Variants in FUCA2 observed in about 807,000 individuals in gnomAD.
The protein encoded by FUCA2 is plasma alpha-L-fucosidase.
FUCA2 carries 41 observed loss-of-function variants against 52.6 expected under a neutral mutation model. The observed-to-expected ratio is 0.78, with a 90% CI of 0.61 to 1.01. FUCA2 has a LOEUF of 1.01. Ranked by LOEUF, FUCA2 falls within the 50% of genes least tolerant of loss-of-function variation. FUCA2 has a pLI of 0.00. For missense variants in FUCA2, 507 were observed against 569.5 expected, an observed-to-expected ratio of 0.89 and a Z score of 1.12; for synonymous variants, 211 against 217.3, an observed-to-expected ratio of 0.97 and a Z score of 0.26.
At position 143,502,672 on chromosome 6, in the gene FUCA2, C is replaced by T; in HGVS notation, c.753-107G>A. The T allele has an allele frequency of 1.1e-6, 1 of 946,812 alleles. No homozygotes were observed. The highest frequency in any genetic ancestry group is 2.6e-5 in the East Asian group (1 of 38,734). 58.7% of individuals were successfully genotyped at this position (946,812 alleles called of 1,614,324 possible). On this transcript the variant is annotated intron_variant, in intron 3 of 6. Transcript: ENST00000002165. The surrounding 1 kb of genome is among the most constrained non-coding windows in gnomAD (Gnocchi z 4.1). ...TTGAAATACAATTCTGAAAAGGGAC[C>T]ATGGCATAGTACAGTGGAAAGCCCA...
Position 143,502,052 on chromosome 6 carries a change from A to G in FUCA2, c.1034T>C (p.Ile345Thr). 6.2e-7 allele frequency: 1 copy of G among 1,613,912 alleles called. No homozygotes were observed. Among genetic ancestry groups the G allele is most frequent in the African/African-American group, 1.3e-5 (1 of 74,982 alleles). Reference sequence around the variant, plus strand: ...CAGTCGCTCCTCAAAAACTACAGAAATGGTGCCATCTAGTGTGGGCCCAAT... The same window carrying G: ...CAGTCGCTCCTCAAAAACTACAGAAGTGGTGCCATCTAGTGTGGGCCCAAT... Reference protein sequence around the residue: ...MNIGPTLDGTISVVFEERLRQ... With the variant: ...MNIGPTLDGTTSVVFEERLRQ... The change falls in exon 5 of 7, where the codon ATT becomes ACT. Residue 345 changes from isoleucine (I) to threonine (T), a missense_variant. By Grantham distance (89) the Ile-to-Thr change is moderately conservative. Transcript: ENST00000002165. The surrounding 1 kb of genome is among the most constrained non-coding windows in gnomAD (Gnocchi z 4.1).
At position 143,511,577 on chromosome 6, in the gene FUCA2, G is replaced by A. The variant is rs1449130556; in HGVS notation, c.58C>T (p.Leu20=). The A allele has an allele frequency of 1.3e-6, 2 of 1,559,658 alleles. No homozygotes were observed. Among genetic ancestry groups the A allele is most frequent in the Non-Finnish European group, 1.7e-6 (2 of 1,152,590 alleles). ...GCAGGGCACGGCGGCGGCGGCAGCAGCAGCAACAGCAACAGCAGCAACGGG... is the reference window on the plus strand; with the variant it reads ...GCAGGGCACGGCGGCGGCGGCAGCAACAGCAACAGCAACAGCAGCAACGGG... ...AFPLLLLLLL[L]LPPPPCPAHS... Residue 20 remains leucine (L), a synonymous_variant, in exon 1 of 7, where the codon CTG becomes TTG. Coordinates refer to ENST00000002165, the MANE Select transcript of FUCA2 (RefSeq NM_032020.5). The surrounding 1 kb of genome is among the most constrained non-coding windows in gnomAD (Gnocchi z 6.3).
rs76709808 is a variant in FUCA2 at position 143,510,786 on chromosome 6, A to G, written c.224+625T>C. Among the ~76,000 whole-genome samples the G allele has an allele frequency of 0.039, 6,008 of 152,296 alleles. 390 individuals are homozygous for G. The highest frequency in any genetic ancestry group is 0.14 in the African/African-American group (5,609 of 41,542). On this transcript the variant is annotated intron_variant, in intron 1 of 6. Coordinates refer to ENST00000002165, the MANE Select transcript of FUCA2 (RefSeq NM_032020.5). This position sits in a 1 kb window ranked among gnomAD's most constrained non-coding sequence, Gnocchi z 4.4. ...AAATTACATGCACATTTTCACATAG[A>G]TCTCAAGGTAAAATCTAACGCACAG...
At position 143,503,713 on chromosome 6, in the gene FUCA2, T is replaced by A. The variant is rs1254152810; in HGVS notation, c.752+200A>T. On this transcript the variant is annotated intron_variant, in intron 3 of 6. Transcript: ENST00000002165. This position sits in a 1 kb window ranked among gnomAD's most constrained non-coding sequence, Gnocchi z 4.8. Reference sequence around the variant, plus strand: ...TGATCTCAAAATCAGACCATTGAGTTGGATTTTACTCCTGATTTATTTACC... The same window carrying A: ...TGATCTCAAAATCAGACCATTGAGTAGGATTTTACTCCTGATTTATTTACC... The A allele has an allele frequency of 8.0e-6, 4 of 502,494 alleles. No individual in the cohort carries two copies. 31.1% of individuals were successfully genotyped at this position (502,494 alleles called of 1,614,324 possible).
In FUCA2 at chr6:143,503,880, A is replaced by T. The variant is rs774654091; in HGVS notation, c.752+33T>A. On this transcript the variant is annotated intron_variant, in intron 3 of 6. Transcript: ENST00000002165. This position sits in a 1 kb window ranked among gnomAD's most constrained non-coding sequence, Gnocchi z 4.8. ...TGTTAGAAATATATTAGGAATATGG[A>T]GGGTAACTGCAGCAATCTCATAGCA... The T allele has an allele frequency of 2.4e-5, 35 of 1,467,198 alleles. No homozygotes were observed. In the South Asian group the frequency reaches 3.8e-4, roughly 16 times the overall value. 90.9% of individuals were successfully genotyped at this position (1,467,198 alleles called of 1,614,324 possible).
intron 2 of FUCA2, chr6:143,505,092 A>G (rs1387348092): frequency 6.6e-6 from 1 of 152,196 alleles, no homozygotes; most frequent in African/African-American, 2.4e-5. Flanking sequence ...TGTTCCATAT[A>G]AAAATGTTAG....
chr6:143,496,187 ACT>A (rs1337161716), intron 6 of FUCA2: 1 of 209,192 alleles, frequency 4.8e-6, no homozygotes, highest in Non-Finnish European at 9.6e-6. Context: ...CCAAGTATCT[ACT>A]CAGCGTTCCT....
At chr6:143,506,176 T>G (rs910638396) in intron 2 of FUCA2, 1 of 144,442 alleles carries the variant, frequency 6.9e-6, no homozygotes, top group East Asian at 2.1e-4. Context: ...GAGAAAACAA[T>G]AAGGCAAAGT....
At position 143,502,136 on chromosome 6, in the gene FUCA2, A is replaced by G. The variant is rs772756269; in HGVS notation, c.964-14T>C. ...CTCTACAAGTTGCTAAAAAATTAAG[A>G]ATAATGTTTTTAGATAAATAAAATA... On this transcript the variant is annotated splice_polypyrimidine_tract_variant and intron_variant, in intron 4 of 6. Coordinates refer to ENST00000002165, the MANE Select transcript of FUCA2 (RefSeq NM_032020.5). The surrounding 1 kb of genome is among the most constrained non-coding windows in gnomAD (Gnocchi z 4.1). The G allele has an allele frequency of 2.6e-6, 4 of 1,566,728 alleles. No homozygotes were observed. In the South Asian group the frequency reaches 4.7e-5, roughly 19 times the overall value.
rs1354578538 is a variant in FUCA2, at chr6:143,510,846, T to A, written c.224+565A>T. ...TAGCACCTTTCATACGGCAGTATGA[T>A]AACTGGGTTGTGTTAAGAGTACCAT... On this transcript the variant is annotated intron_variant, in intron 1 of 6. Coordinates refer to ENST00000002165, the MANE Select transcript of FUCA2 (RefSeq NM_032020.5). This position sits in a 1 kb window ranked among gnomAD's most constrained non-coding sequence, Gnocchi z 4.4. Among the ~76,000 whole-genome samples, 1 of 152,062 alleles carries A rather than the reference T, an allele frequency of 6.6e-6. No homozygotes were observed. Among genetic ancestry groups the A allele is most frequent in the Admixed American group, 6.6e-5 (1 of 15,214 alleles).
chr6:143,495,686 C>T lies in FUCA2; in HGVS notation c.*21G>A, dbSNP rs1780447829. ...TCCTAGCCTTAGACATAACTTGCAG[C>T]ATCAGCCACTCTGCTGCACTTTAGA... is the stretch of plus-strand genomic sequence containing the variant. On this transcript the variant is annotated 3_prime_UTR_variant, in exon 7 of 7. Transcript: ENST00000002165. The surrounding 1 kb of genome is among the most constrained non-coding windows in gnomAD (Gnocchi z 5.2). 6 of 1,604,906 alleles carry T rather than the reference C, an allele frequency of 3.7e-6. No homozygotes were observed. Among genetic ancestry groups the T allele is most frequent in the Non-Finnish European group, 5.1e-6 (6 of 1,173,092 alleles).
In FUCA2 at chr6:143,499,202, AT is replaced by A. The variant is rs1562663597; in HGVS notation, c.1155-1706del. Among the ~76,000 whole-genome samples the A allele has an allele frequency of 2.0e-5, 3 of 152,238 alleles. No homozygotes were observed. Among genetic ancestry groups the A allele is most frequent in the African/African-American group, 7.2e-5 (3 of 41,456 alleles). On this transcript the variant is annotated intron_variant, in intron 5 of 6. Transcript: ENST00000002165. This position sits in a 1 kb window ranked among gnomAD's most constrained non-coding sequence, Gnocchi z 6.0. ...GTTCGGAAAGAGGTCTGCACTGGAAATAGAAATGTGGAGATCATCAATATGG... is the reference window on the plus strand; with the variant it reads ...GTTCGGAAAGAGGTCTGCACTGGAAAAGAAATGTGGAGATCATCAATATGG...
At position 143,503,382 on chromosome 6, in the gene FUCA2, C is replaced by G. The variant is rs1193823273; in HGVS notation, c.752+531G>C. ...AATGGAGGAGTTTAATCAGAACTCC[C>G]TGTTCTAATAGGGCAGCCTTGAACA... On this transcript the variant is annotated intron_variant, in intron 3 of 6. Transcript: ENST00000002165. The surrounding 1 kb of genome is among the most constrained non-coding windows in gnomAD (Gnocchi z 4.8). The G allele has an allele frequency of 1.3e-5, 2 of 153,348 alleles. No individual in the cohort carries two copies. Among genetic ancestry groups the G allele is most frequent in the Non-Finnish European group, 1.4e-5 (1 of 68,976 alleles). The allele number at this position is 153,348 out of a possible 1,614,324, so 9.5% of individuals were successfully genotyped here.
chr6:143,496,156 G>T, intron 6 of FUCA2: 1 of 241,882 alleles, frequency 4.1e-6, no homozygotes, highest in Non-Finnish European at 8.1e-6. Flanking sequence ...AGCAGAAAGT[G>T]GCTCTGAAAC....
chr6:143,510,297 C>G lies in FUCA2; in HGVS notation c.224+1114G>C, dbSNP rs765094772. Among the ~76,000 whole-genome samples the G allele has an allele frequency of 3.9e-5, 6 of 152,054 alleles. No individual in the cohort carries two copies. The highest frequency in any genetic ancestry group is 8.8e-5 in the Non-Finnish European group (6 of 68,014). On this transcript the variant is annotated intron_variant, in intron 1 of 6. Coordinates refer to ENST00000002165, the MANE Select transcript of FUCA2 (RefSeq NM_032020.5). The surrounding 1 kb of genome is among the most constrained non-coding windows in gnomAD (Gnocchi z 4.4). ...TATAGTATGTTAATTTGGATGTATA[C>G]TATTTATGTAGTATATAGTTGATTC...
chr6:143,497,689 C>T lies in FUCA2; in HGVS notation c.1155-192G>A, dbSNP rs576955674. 5.3e-5 allele frequency among the ~76,000 whole-genome samples: 8 copies of T among 152,268 alleles called. 1 individual carries two copies. The South Asian group carries it at 1.7e-3, about 32-fold the overall frequency. On this transcript the variant is annotated intron_variant, in intron 5 of 6. Transcript: ENST00000002165. The surrounding 1 kb of genome is among the most constrained non-coding windows in gnomAD (Gnocchi z 5.3). ...CCTCCCCCAAGACCAAAAGGAAGTT[C>T]TTGGAAGACAAAGATTTTCCTGAGC... is the stretch of plus-strand genomic sequence containing the variant.
chr6:143,501,868 T>C lies in FUCA2; in HGVS notation c.1154+64A>G, dbSNP rs1253843112. 7.1e-7 allele frequency: 1 copy of C among 1,405,524 alleles called. No homozygotes were observed. The highest frequency in any genetic ancestry group is 9.8e-7 in the Non-Finnish European group (1 of 1,020,824). 87.1% of individuals were successfully genotyped at this position (1,405,524 alleles called of 1,614,324 possible). A position where few individuals can be genotyped will look rare whatever the true frequency, so the allele number is the denominator to read the frequency against. On this transcript the variant is annotated intron_variant, in intron 5 of 6. Transcript: ENST00000002165. The surrounding 1 kb of genome is among the most constrained non-coding windows in gnomAD (Gnocchi z 6.1). The stretch of plus-strand genomic sequence containing the variant: ...TCTCTTTTTATCCTACTCTTCTTTA[T>C]ATGTCTGATAAATTTTAAATCTCTT...
rs1780443974 is a variant in FUCA2, at chr6:143,495,440, C to T, written c.*267G>A. 1.1e-5 allele frequency: 4 copies of T among 347,830 alleles called. No individual in the cohort carries two copies. The highest frequency in any genetic ancestry group is 5.2e-6 in the Non-Finnish European group (1 of 192,448). 21.5% of individuals were successfully genotyped at this position (347,830 alleles called of 1,614,324 possible). A position where few individuals can be genotyped will look rare whatever the true frequency, so the allele number is the denominator to read the frequency against. ...CCATAATACCACCAATTCCTTGCTA[C>T]TATAATGTGAAAAAATTCTCACCTC... On this transcript the variant is annotated 3_prime_UTR_variant, in exon 7 of 7. Coordinates refer to ENST00000002165, the MANE Select transcript of FUCA2 (RefSeq NM_032020.5). This position sits in a 1 kb window ranked among gnomAD's most constrained non-coding sequence, Gnocchi z 5.2.
rs955056520 is a variant in FUCA2 at position 143,504,246 on chromosome 6, G to A, written c.419C>T (p.Thr140Ile). Residue 140 changes from threonine to isoleucine, a missense_variant, in exon 3 of 7, where the codon ACC (threonine) becomes ATC (isoleucine). By Grantham distance (89) the Thr-to-Ile change is moderately conservative (BLOSUM62 -1). Transcript: ENST00000002165. The surrounding 1 kb of genome is among the most constrained non-coding windows in gnomAD (Gnocchi z 4.4). ...VLTSKHHEGF[T>I]LWGSEYSWNW... ...CCACGAATATTCTGACCCCCACAAGGTAAAGCCTAGAAAATTATAGTGAAA... is the reference window on the plus strand; with the variant it reads ...CCACGAATATTCTGACCCCCACAAGATAAAGCCTAGAAAATTATAGTGAAA... 1.0e-5 allele frequency: 16 copies of A among 1,607,302 alleles called. No individual in the cohort carries two copies. The highest frequency in any genetic ancestry group is 2.7e-5 in the African/African-American group (2 of 74,502).
Sources: gnomAD v4.1 joint callset for allele counts (sites outside exome capture counted in the v4.1 genomes callset) on GRCh38, gnomAD v4.1.1 for gene constraint, Gnocchi (gnomAD v3.1) non-coding constraint, MANE v1.5 for transcripts, NCBI Gene and HGNC (gene_info 2026-07-23, HGNC 2026-07-21) for gene names.